CNTRL: variants seen among roughly 807,000 people sequenced by gnomAD.
CNTRL encodes 110 kDa centrosomal protein.
CNTRL carries 233 observed loss-of-function variants against 303.7 expected under a neutral mutation model. The observed-to-expected ratio is 0.77, with a 90% CI of 0.69 to 0.86. The LOEUF (loss-of-function observed/expected upper bound fraction) is 0.86. Among genes scored for constraint, CNTRL ranks in the 40% least tolerant of loss-of-function variants. CNTRL has a pLI of 0.00. For synonymous variants in CNTRL, 900 were observed against 922.2 expected, an observed-to-expected ratio of 0.98 and a Z score of 0.44; for missense variants, 2,524 against 2,650.6, an observed-to-expected ratio of 0.95 and a Z score of 1.05.
At chr9:121,082,242 C>G (rs1258920543) in intron 2 of CNTRL, among the ~76,000 whole-genome samples, 2 of 152,172 alleles carry the variant, frequency 1.3e-5, no homozygotes, top group African/African-American at 4.8e-5. Context: ...ACAGAAATAG[C>G]TTGATTGGTT....
intron 7 of CNTRL, among the ~76,000 whole-genome samples, chr9:121,104,505 G>A (rs1275774166): frequency 1.3e-5 from 2 of 151,562 alleles, no homozygotes; most frequent in Non-Finnish European, 2.9e-5. Context: ...ATGTACCCTA[G>A]AACTTAAAGT....
Position 121,148,851 on chromosome 9 carries a change from T to C in CNTRL, c.3639T>C (p.Phe1213=), listed in dbSNP as rs1473295942. Residue 1213 remains phenylalanine (F), a synonymous_variant, in exon 24 of 44, where the codon TTT becomes TTC. Transcript: ENST00000373855. ...TCAGGAGTGGGTTACATAAACTGTT[T>C]CCAAGTAGAGGTAAGTCAAATCACA... ...SPIRSGLHKL[F]PSRDADSGGD... is the part of the protein sequence containing the mutation. The C allele has an allele frequency of 1.9e-6, 3 of 1,612,368 alleles. No individual in the cohort carries two copies. The highest frequency in any genetic ancestry group is 2.7e-5 in the African/African-American group (2 of 74,878).
At chr9:121,090,714 G>A (rs1162962176) in intron 4 of CNTRL, among the ~76,000 whole-genome samples, 1 of 152,150 alleles carries the variant, frequency 6.6e-6, no homozygotes, top group Non-Finnish European at 1.5e-5. Context: ...TTTACATATT[G>A]TCTGTGGTTG....
chr9:121,079,286 C>T (rs1266687699), intron 1 of CNTRL, among the ~76,000 whole-genome samples: 2 of 152,068 alleles, frequency 1.3e-5, no homozygotes, highest in Non-Finnish European at 2.9e-5. Flanking sequence ...AGTTATGTAA[C>T]TTGGGGGAGT....
chr9:121,101,017 A>T (rs1364577797), intron 7 of CNTRL, among the ~76,000 whole-genome samples: 2 of 152,190 alleles, frequency 1.3e-5, no homozygotes, highest in Non-Finnish European at 2.9e-5. Context: ...AAAGTTAACA[A>T]GGATATCCAG....
chr9:121,082,543 A>T (rs570166645), intron 2 of CNTRL, among the ~76,000 whole-genome samples: 14 of 152,366 alleles, frequency 9.2e-5, no homozygotes, highest in Admixed American at 2.6e-4. Flanking sequence ...TTGTACAAAC[A>T]TCATAGAATG....
At chr9:121,102,796 C>A (rs900953654) in intron 7 of CNTRL, among the ~76,000 whole-genome samples, 2 of 152,112 alleles carry the variant, frequency 1.3e-5, no homozygotes, top group African/African-American at 2.4e-5. Context: ...CTCCCATTCA[C>A]AATTGCTTCA....
chr9:121,098,719 T>C (rs759783450), intron 7 of CNTRL, 147 bp downstream of exon 7: 21 of 646,280 alleles, frequency 3.2e-5, no homozygotes, highest in Non-Finnish European at 4.9e-5. Context: ...AAATATTTAC[T>C]GAGTGTGTAC....
intron 7 of CNTRL, among the ~76,000 whole-genome samples, chr9:121,104,318 T>G (rs900416301): frequency 6.6e-6 from 1 of 152,108 alleles, no homozygotes; most frequent in South Asian, 2.1e-4. Context: ...AGGTGGGAAC[T>G]GAACAATGAG....
In CNTRL at chr9:121,150,208, C is replaced by G. The variant is rs749178050; in HGVS notation, c.3688C>G (p.Leu1230Val). 1.3e-5 allele frequency: 21 copies of G among 1,613,638 alleles called. No homozygotes were observed. The East Asian group carries it at 4.2e-4, about 33-fold the overall frequency. Residue 1230 changes from leucine to valine, a missense_variant, in exon 25 of 44, where the codon CTG (leucine) becomes GTG (valine). Coordinates refer to ENST00000373855, the MANE Select transcript of CNTRL (RefSeq NM_007018.6). ...AGGAGATAGTCAGGAAGAGAGTGAG[C>G]TGGATGACCAAGAAGAACCCCCATT... ...SGGDSQEESE[L>V]DDQEEPPFVP...
intron 15 of CNTRL, among the ~76,000 whole-genome samples, chr9:121,136,541 C>T (rs1275166913): frequency 1.3e-5 from 2 of 152,194 alleles, no homozygotes; most frequent in East Asian, 3.9e-4. Context: ...AAACTCCCGA[C>T]CTCAGGCGAT....
chr9:121,121,788 G>T, intron 12 of CNTRL: 2 of 985,448 alleles, frequency 2.0e-6, no homozygotes, highest in Non-Finnish European at 2.4e-6. Context: ...CCAAGAATGT[G>T]GTTTGAGGCT....
chr9:121,140,844 A>T, intron 17 of CNTRL, 58 bp downstream of exon 17: 1 of 1,516,902 alleles, frequency 6.6e-7, no homozygotes. Flanking sequence ...GAGAGTTGTG[A>T]GTGTGAGGTT....
intron 14 of CNTRL, 85 bp downstream of exon 14, chr9:121,126,021 T>G (rs1177437138): frequency 1.8e-6 from 2 of 1,142,130 alleles, no homozygotes; most frequent in Non-Finnish European, 2.6e-6. Context: ...TAACAGTACA[T>G]TTTTAAGTGG....
rs1306010007 is a variant in CNTRL, at chr9:121,143,968, A to G, written c.2937A>G (p.Leu979=). ...VFGLDKELKK[L]KKAVATSDKL... is the part of the protein sequence containing the mutation. ...GTTTAGATAAAGAACTGAAGAAACT[A>G]AAGAAAGCCGTGGCCACCTCTGATA... is the stretch of plus-strand genomic sequence containing the variant. The change falls in exon 20 of 44, where the codon CTA becomes CTG. Residue 979 remains leucine, a synonymous_variant. Transcript: ENST00000373855. 2 of 1,613,790 alleles carry G rather than the reference A, an allele frequency of 1.2e-6. No homozygotes were observed. Among genetic ancestry groups the G allele is most frequent in the Non-Finnish European group, 1.7e-6 (2 of 1,179,854 alleles).
chr9:121,088,977 A>C lies in CNTRL; in HGVS notation c.217+434A>C, dbSNP rs139737880. ...ATTTCCACATATGGGACATGTATGT[A>C]TGTTCCACTAGTGTTTTAGTTTTTT... On this transcript the variant is annotated intron_variant, in intron 3 of 43. Coordinates refer to ENST00000373855, the MANE Select transcript of CNTRL (RefSeq NM_007018.6). Among the ~76,000 whole-genome samples the C allele has an allele frequency of 9.2e-5, 14 of 152,358 alleles. No homozygotes were observed. In the East Asian group the frequency reaches 2.7e-3, roughly 29 times the overall value.
chr9:121,083,526 T>C (rs924450093), intron 2 of CNTRL, among the ~76,000 whole-genome samples: 1 of 152,202 alleles, frequency 6.6e-6, no homozygotes, highest in Non-Finnish European at 1.5e-5. Flanking sequence ...CATGGAGCTG[T>C]CATTTCTTAT....
intron 40 of CNTRL, among the ~76,000 whole-genome samples, chr9:121,172,648 A>C (rs910981601): frequency 6.7e-6 from 1 of 149,658 alleles, no homozygotes; most frequent in Non-Finnish European, 1.5e-5. Context: ...CTTTAAAAAA[A>C]CAAAACAAAA....
chr9:121,177,574 A>G lies in CNTRL; in HGVS notation c.*388A>G, dbSNP rs2053576730. On this transcript the variant is annotated 3_prime_UTR_variant, in exon 44 of 44. Transcript: ENST00000373855. ...GAGTTATTTTTGAATTTTGCTTAAA[A>G]TCTATTTTTCATATGAAAATAAAAG... 1 of 214,410 alleles carries G rather than the reference A, an allele frequency of 4.7e-6. No homozygotes were observed. Among genetic ancestry groups the G allele is most frequent in the South Asian group, 1.8e-4 (1 of 5,578 alleles). 13.3% of individuals were successfully genotyped at this position (214,410 alleles called of 1,614,324 possible). A position where few individuals can be genotyped will look rare whatever the true frequency, so the allele number is the denominator to read the frequency against.
Sources: allele counts gnomAD v4.1 joint callset (sites outside exome capture counted in the v4.1 genomes callset), GRCh38; gene constraint gnomAD v4.1.1; transcripts MANE v1.5; gene names NCBI Gene and HGNC (gene_info 2026-07-23, HGNC 2026-07-21).